Variants in ETS2 observed in about 807,000 individuals in gnomAD.
The protein encoded by ETS2 is ETS proto-oncogene 2, transcription factor.
In ETS2, 19 loss-of-function variants were observed where a neutral mutation model predicts 54.9. The ratio of observed to expected loss-of-function variants is 0.35; its 90% confidence interval spans 0.24 to 0.51. The LOEUF is 0.51. Ranked by LOEUF, ETS2 falls within the 20% of genes least tolerant of loss-of-function variation. The pLI, the probability that ETS2 is intolerant of heterozygous loss-of-function variation, is 0.97. For missense variants in ETS2, 417 were observed against 593.0 expected (o/e 0.70, Z 3.08); for synonymous variants, 219 against 229.3 (o/e 0.95, Z 0.41).
intron 1 of ETS2, among the ~76,000 whole-genome samples, chr21:38,808,932 C>T (rs1422949303): frequency 6.6e-6 from 1 of 152,142 alleles, no homozygotes; most frequent in Admixed American, 6.5e-5. Flanking sequence ...CGGTGCTAAC[C>T]CAAGGTCTCT....
rs1373110390 is a variant in ETS2 at position 38,806,243 on chromosome 21, G to T, written c.-1+123G>T. The stretch of plus-strand genomic sequence containing the variant: ...CAGATCTCGGGGCGCTGCCGGGGGT[G>T]CAGGTGGGGGTGGCGGCTGCTGCGA... On this transcript the variant is annotated intron_variant, in intron 1 of 9. Transcript: ENST00000360938. This position sits in a 1 kb window ranked among gnomAD's most constrained non-coding sequence, Gnocchi z 4.3. 4.1e-6 allele frequency: 4 copies of T among 977,436 alleles called. No homozygotes were observed. The highest frequency in any genetic ancestry group is 6.1e-5 in the Admixed American group (1 of 16,280). The allele number at this position is 977,436 out of a possible 1,614,324, so 60.5% of individuals were successfully genotyped here. A position where few individuals can be genotyped will look rare whatever the true frequency, so the allele number is the denominator to read the frequency against.
At position 38,821,875 on chromosome 21, in the gene ETS2, G is replaced by T. The variant is rs2060959581; in HGVS notation, c.1194+171G>T. On this transcript the variant is annotated intron_variant, in intron 9 of 9. Coordinates refer to ENST00000360938, the MANE Select transcript of ETS2 (RefSeq NM_005239.6). This position sits in a 1 kb window ranked among gnomAD's most constrained non-coding sequence, Gnocchi z 4.2. ...ATGGAAGTGGAGTCATTGCTTTGTT[G>T]ATAAACGTGTACAGTGTTTTCTGGG... Among the ~76,000 whole-genome samples, 2 of 152,216 alleles carry T rather than the reference G, an allele frequency of 1.3e-5. No homozygotes were observed. Among genetic ancestry groups the T allele is most frequent in the Admixed American group, 1.3e-4 (2 of 15,288 alleles).
In ETS2 at chr21:38,806,900, C is replaced by G; in HGVS notation, c.-1+780C>G. On this transcript the variant is annotated intron_variant, in intron 1 of 9. Coordinates refer to ENST00000360938, the MANE Select transcript of ETS2 (RefSeq NM_005239.6). The surrounding 1 kb of genome is among the most constrained non-coding windows in gnomAD (Gnocchi z 4.3). ...AGGAGACCTTTTATGTTAGCCTGTA[C>G]ACAATTTCAGGGTAGCCTAAAACAG... The G allele has an allele frequency of 1.1e-6, 1 of 928,888 alleles. No individual in the cohort carries two copies. Among genetic ancestry groups the G allele is most frequent in the South Asian group, 4.9e-5 (1 of 20,248 alleles). The allele number at this position is 928,888 out of a possible 1,614,324, so 57.5% of individuals were successfully genotyped here. A position where few individuals can be genotyped will look rare whatever the true frequency, so the allele number is the denominator to read the frequency against.
In ETS2 at chr21:38,821,731, T is replaced by G; in HGVS notation, c.1194+27T>G. ...TATGGCCAGAGCCCTGGGAAATCTC[T>G]GGGCTTGAAAACCTGATTTCCTGCT... is the stretch of plus-strand genomic sequence containing the variant. On this transcript the variant is annotated intron_variant, in intron 9 of 9. Transcript: ENST00000360938. The surrounding 1 kb of genome is among the most constrained non-coding windows in gnomAD (Gnocchi z 4.2). 14 of 1,526,188 alleles carry G rather than the reference T, an allele frequency of 9.2e-6. No homozygotes were observed. Among genetic ancestry groups the G allele is most frequent in the Non-Finnish European group, 1.2e-5 (13 of 1,101,702 alleles). The allele number at this position is 1,526,188 out of a possible 1,614,324, so 94.5% of individuals were successfully genotyped here.
In ETS2 at chr21:38,824,018, A is replaced by G. The variant is rs1488819266; in HGVS notation, c.*1129A>G. 1 of 152,636 alleles carries G rather than the reference A, an allele frequency of 6.6e-6. No individual in the cohort carries two copies. Among genetic ancestry groups the G allele is most frequent in the Non-Finnish European group, 1.5e-5 (1 of 68,034 alleles). The allele number at this position is 152,636 out of a possible 1,614,324, so 9.5% of individuals were successfully genotyped here. ...TTCAGAGATCAGGAGGGATTTATGT[A>G]GCAGCTATTTTTACTGCAAAAGTAA... On this transcript the variant is annotated 3_prime_UTR_variant, in exon 10 of 10. Coordinates refer to ENST00000360938, the MANE Select transcript of ETS2 (RefSeq NM_005239.6).
intron 7 of ETS2, 119 bp from the exon 8 acceptor site, chr21:38,819,384 A>T: frequency 1.2e-6 from 1 of 843,694 alleles, no homozygotes. Context: ...GAGAAGTCTG[A>T]GTGGTTCTAC....
intron 7 of ETS2, 120 bp downstream of exon 7, chr21:38,818,766 C>T: frequency 6.8e-6 from 8 of 1,180,966 alleles, no homozygotes; most frequent in Non-Finnish European, 9.8e-6. Context: ...GGTCAAAGCC[C>T]ATGTTCTAAG....
chr21:38,817,547 G>A (rs1380571406), intron 6 of ETS2, among the ~76,000 whole-genome samples: 2 of 152,230 alleles, frequency 1.3e-5, no homozygotes, highest in South Asian at 2.1e-4. Context: ...GGAGCAGAAC[G>A]AAGTGAGCTG....
chr21:38,811,095 A>G lies in ETS2; in HGVS notation c.72+989A>G, dbSNP rs537286216. Among the ~76,000 whole-genome samples, 23 of 152,212 alleles carry G rather than the reference A, an allele frequency of 1.5e-4. No individual in the cohort carries two copies. The East Asian group carries it at 4.1e-3, about 27-fold the overall frequency. ...TAATTCAAATAATTTGACGATGCTT[A>G]TGCGGTTTCTGAAAAGAAGCAGTCG... On this transcript the variant is annotated intron_variant, in intron 2 of 9. Coordinates refer to ENST00000360938, the MANE Select transcript of ETS2 (RefSeq NM_005239.6).
In ETS2 at chr21:38,823,132, A is replaced by G. The variant is rs899001356; in HGVS notation, c.*243A>G. 3 of 373,650 alleles carry G rather than the reference A, an allele frequency of 8.0e-6. No individual in the cohort carries two copies. Among genetic ancestry groups the G allele is most frequent in the Non-Finnish European group, 1.4e-5 (3 of 209,200 alleles). The allele number at this position is 373,650 out of a possible 1,614,324, so 23.1% of individuals were successfully genotyped here. ...AAGTGAAAATGGTCGAGAAAGAGGC[A>G]CCAGGAAGCCGTCCTGGCGCCTGGC... On this transcript the variant is annotated 3_prime_UTR_variant, in exon 10 of 10. Transcript: ENST00000360938.
chr21:38,805,951 C>A lies in ETS2; in HGVS notation c.-170C>A. On this transcript the variant is annotated 5_prime_UTR_variant, in exon 1 of 10. Transcript: ENST00000360938. The surrounding 1 kb of genome is among the most constrained non-coding windows in gnomAD (Gnocchi z 5.2). ...CCCGGTTACTTCCTCCAGAGACTGA[C>A]GAGTGCGGTGTCGCTCCAGCTCAGA... The A allele has an allele frequency of 7.9e-7, 1 of 1,270,532 alleles. No individual in the cohort carries two copies. The highest frequency in any genetic ancestry group is 2.2e-4 in the Middle Eastern group (1 of 4,458). 78.7% of individuals were successfully genotyped at this position (1,270,532 alleles called of 1,614,324 possible). A position where few individuals can be genotyped will look rare whatever the true frequency, so the allele number is the denominator to read the frequency against.
Position 38,822,909 on chromosome 21 carries a change from A to T in ETS2, c.*20A>T. 1 of 1,533,642 alleles carries T rather than the reference A, an allele frequency of 6.5e-7. No homozygotes were observed. Among genetic ancestry groups the T allele is most frequent in the Non-Finnish European group, 8.8e-7 (1 of 1,138,114 alleles). On this transcript the variant is annotated 3_prime_UTR_variant, in exon 10 of 10. Coordinates refer to ENST00000360938, the MANE Select transcript of ETS2 (RefSeq NM_005239.6). ...GACTGAGGTCGCCGGGACCACCCTG[A>T]GCCGGCCCCAGGCTCGTGGACTGAG...
rs62217764 is a variant in ETS2, at chr21:38,808,756, T to C, written c.1-1279T>C. 2.1e-3 allele frequency among the ~76,000 whole-genome samples: 326 copies of C among 152,334 alleles called. 1 individual carries two copies. Among genetic ancestry groups the C allele is most frequent in the Non-Finnish European group, 3.2e-3 (219 of 68,028 alleles). ...ATTTCGCCACATCCAGTAAGTTCTA[T>C]CAGTTGAATGTTGTCTGAATTACTT... On this transcript the variant is annotated intron_variant, in intron 1 of 9. Transcript: ENST00000360938.
chr21:38,814,198 A>T lies in ETS2; in HGVS notation c.185-75A>T. 1 of 1,462,094 alleles carries T rather than the reference A, an allele frequency of 6.8e-7. No homozygotes were observed. Among genetic ancestry groups the T allele is most frequent in the Non-Finnish European group, 9.4e-7 (1 of 1,061,046 alleles). The allele number at this position is 1,462,094 out of a possible 1,614,324, so 90.6% of individuals were successfully genotyped here. A position where few individuals can be genotyped will look rare whatever the true frequency, so the allele number is the denominator to read the frequency against. ...CAAAATTGTTCTTTTCCAAAAACTA[A>T]GATGTCTCTCCTAAATCTCCACCTG... On this transcript the variant is annotated intron_variant, in intron 3 of 9. Coordinates refer to ENST00000360938, the MANE Select transcript of ETS2 (RefSeq NM_005239.6). This position sits in a 1 kb window ranked among gnomAD's most constrained non-coding sequence, Gnocchi z 4.2.
intron 2 of ETS2, among the ~76,000 whole-genome samples, chr21:38,810,679 C>G (rs1344154535): frequency 1.3e-5 from 2 of 152,214 alleles, no homozygotes; most frequent in African/African-American, 2.4e-5. Context: ...CTTTTGGGAA[C>G]ATTCTTTAGT....
Position 38,816,959 on chromosome 21 carries a change from A to G in ETS2, c.506-49A>G, listed in dbSNP as rs752338255. ...TTCAGAAAGTCAATTTGTTCTGTGTAGTTTTCACCTACATCTGCCATCTTA... is the reference window on the plus strand; with the variant it reads ...TTCAGAAAGTCAATTTGTTCTGTGTGGTTTTCACCTACATCTGCCATCTTA... On this transcript the variant is annotated intron_variant, in intron 5 of 9. Transcript: ENST00000360938. 4.2e-6 allele frequency: 4 copies of G among 961,584 alleles called. No homozygotes were observed. In the African/African-American group the frequency reaches 4.8e-5, roughly 12 times the overall value. 59.6% of individuals were successfully genotyped at this position (961,584 alleles called of 1,614,324 possible).
Position 38,821,791 on chromosome 21 carries a change from A to G in ETS2, c.1194+87A>G. 2 of 901,588 alleles carry G rather than the reference A, an allele frequency of 2.2e-6. No individual in the cohort carries two copies. The highest frequency in any genetic ancestry group is 1.8e-5 in the Admixed American group (1 of 55,386). 55.8% of individuals were successfully genotyped at this position (901,588 alleles called of 1,614,324 possible). A position where few individuals can be genotyped will look rare whatever the true frequency, so the allele number is the denominator to read the frequency against. On this transcript the variant is annotated intron_variant, in intron 9 of 9. Transcript: ENST00000360938. The surrounding 1 kb of genome is among the most constrained non-coding windows in gnomAD (Gnocchi z 4.2). ...AAACTCAGTTCTTTGGGCACAAAAAAGGGTTCACCAGTACTGCTGAGAATC... is the reference window on the plus strand; with the variant it reads ...AAACTCAGTTCTTTGGGCACAAAAAGGGGTTCACCAGTACTGCTGAGAATC...
chr21:38,813,581 G>A (rs945925558), intron 3 of ETS2, among the ~76,000 whole-genome samples: 9 of 152,082 alleles, frequency 5.9e-5, no homozygotes, highest in African/African-American at 1.2e-4. Context: ...GTAGTTCTTC[G>A]TGTCATTGTT....
rs2060966950 is a variant in ETS2, at chr21:38,823,567, T to TA, written c.*680dup. On this transcript the variant is annotated 3_prime_UTR_variant, in exon 10 of 10. Transcript: ENST00000360938. ...TTGTAAAGTATGTATTATTTACATT[T>TA]AATAGACTTACAGGGATAAGGCCTG... The TA allele has an allele frequency of 6.6e-6, 1 of 152,570 alleles. No homozygotes were observed. The highest frequency in any genetic ancestry group is 2.1e-4 in the South Asian group (1 of 4,832). The allele number at this position is 152,570 out of a possible 1,614,324, so 9.5% of individuals were successfully genotyped here.
Sources: allele counts gnomAD v4.1 joint callset (sites outside exome capture counted in the v4.1 genomes callset), GRCh38; gene constraint gnomAD v4.1.1; non-coding constraint Gnocchi (gnomAD v3.1); transcripts MANE v1.5; gene names NCBI Gene and HGNC (gene_info 2026-07-23, HGNC 2026-07-21).